The following NUP160 variants were observed in gnomAD, a reference collection of about 807,000 sequenced individuals.
NUP160 encodes nucleoporin 160.
Under a neutral mutation model 196.9 loss-of-function variants are expected in NUP160, and 94 were observed. That is an observed-to-expected ratio of 0.48 (90% confidence interval 0.40 to 0.57). The LOEUF is 0.57. Ranked by LOEUF, NUP160 falls within the 20% of genes least tolerant of loss-of-function variation. NUP160 has a pLI of 0.00. For synonymous variants in NUP160, 605 were observed against 619.7 expected (o/e 0.98, Z 0.35); for missense variants, 1,638 against 1,748.3 (o/e 0.94, Z 1.13).
intron 28 of NUP160, 65 bp from the exon 29 acceptor site, chr11:47,792,055 T>G: frequency 9.0e-7 from 1 of 1,108,716 alleles, no homozygotes. Context: ...TCATTAACGG[T>G]GATTCATAGC....
At chr11:47,827,216 T>C (rs1312541558) in intron 7 of NUP160, 1 of 450,054 alleles carries the variant, frequency 2.2e-6, no homozygotes, top group Admixed American at 2.4e-5. Context: ...ACAAAAAAAT[T>C]AGCCATGTGT....
At chr11:47,791,717 A>T (rs2097668006) in intron 29 of NUP160, among the ~76,000 whole-genome samples, 1 of 152,206 alleles carries the variant, frequency 6.6e-6, no homozygotes, top group African/African-American at 2.4e-5. Context: ...CTCCAGAAAA[A>T]GAATCCAATA....
At chr11:47,833,943 C>CA (rs1852122845) in intron 7 of NUP160, among the ~76,000 whole-genome samples, 1 of 152,182 alleles carries the variant, frequency 6.6e-6, no homozygotes, top group South Asian at 2.1e-4. Context: ...TGCCTTTTCC[C>CA]TTTTTTCACT....
chr11:47,799,108 G>A (rs77703427), intron 23 of NUP160, among the ~76,000 whole-genome samples: 2 of 143,490 alleles, frequency 1.4e-5, no homozygotes, highest in Non-Finnish European at 3.0e-5. Context: ...TTTTTTTTTT[G>A]AGACAGGGTC....
At chr11:47,844,194 A>T (rs1403185393) in intron 2 of NUP160, among the ~76,000 whole-genome samples, 3 of 152,142 alleles carry the variant, frequency 2.0e-5, no homozygotes, top group Non-Finnish European at 2.9e-5. Context: ...GATCTAAGCC[A>T]CCATCATGTG....
At chr11:47,795,091 C>T (rs999653673) in intron 27 of NUP160, among the ~76,000 whole-genome samples, 1 of 151,572 alleles carries the variant, frequency 6.6e-6, no homozygotes, top group African/African-American at 2.4e-5. Context: ...TAGAGTGAGA[C>T]TGTCTCAAAA....
intron 18 of NUP160, among the ~76,000 whole-genome samples, chr11:47,807,609 G>T (rs1313541145): frequency 6.6e-6 from 1 of 152,068 alleles, no homozygotes; most frequent in Non-Finnish European, 1.5e-5. Context: ...GGAGGTTGCA[G>T]TGAGCCGAGA....
chr11:47,841,671 C>A, intron 2 of NUP160: 1 of 312,340 alleles, frequency 3.2e-6, no homozygotes, highest in South Asian at 3.7e-5. Flanking sequence ...GGAGCATGTA[C>A]CATCTGATAA....
At chr11:47,833,175 T>G (rs1852108132) in intron 7 of NUP160, among the ~76,000 whole-genome samples, 1 of 152,112 alleles carries the variant, frequency 6.6e-6, no homozygotes, top group Non-Finnish European at 1.5e-5. Flanking sequence ...ATGAATAGGC[T>G]GGGCGTGGTG....
chr11:47,798,365 T>C lies in NUP160; in HGVS notation c.2991+3A>G. 2 of 1,601,238 alleles carry C rather than the reference T, an allele frequency of 1.2e-6. No individual in the cohort carries two copies. Among genetic ancestry groups the C allele is most frequent in the Non-Finnish European group, 1.7e-6 (2 of 1,168,744 alleles). On this transcript the variant is annotated splice_donor_region_variant and intron_variant, in intron 24 of 35. Transcript: ENST00000378460. ...AAACAACCAAATTGCAGCCAATTCT[T>C]ACCTGACTTTTCCAGTCATCACCTG...
At chr11:47,815,849 A>G in intron 12 of NUP160, 97 bp downstream of exon 12, 1 of 1,054,996 alleles carries the variant, frequency 9.5e-7, no homozygotes, top group South Asian at 1.5e-5. Flanking sequence ...CCAACAAACA[A>G]GGTCAAGTGA....
chr11:47,811,019 T>C (rs6485785), intron 17 of NUP160, among the ~76,000 whole-genome samples: 151,489 of 152,244 alleles, frequency 1, 75,375 homozygotes, highest in Middle Eastern at 1. Context: ...AAAAATGGGA[T>C]GTCTGACTGT....
rs764527177 is a variant in NUP160 at position 47,806,330 on chromosome 11, A to T, written c.2447-18T>A. On this transcript the variant is annotated intron_variant, in intron 19 of 35. Coordinates refer to ENST00000378460, the Ensembl canonical transcript of NUP160. ...ACTAGATACTTAAAAAGAAAAAGTT[A>T]TGACAGTTTTGTGTAGTGGTAATTA... is the stretch of plus-strand genomic sequence containing the variant. 1 of 1,596,448 alleles carries T rather than the reference A, an allele frequency of 6.3e-7. No homozygotes were observed. Among genetic ancestry groups the T allele is most frequent in the East Asian group, 2.2e-5 (1 of 44,670 alleles).
chr11:47,779,119 G>A, exon 36 of NUP160: 7 of 1,613,170 alleles, frequency 4.3e-6, no homozygotes, highest in Non-Finnish European at 4.2e-6. Context: ...AAGGTCCGAC[G>A]ATATAATAAA....
intron 7 of NUP160, among the ~76,000 whole-genome samples, chr11:47,834,770 G>A (rs1000161052): frequency 6.6e-5 from 10 of 152,144 alleles, no homozygotes; most frequent in Non-Finnish European, 1.5e-4. Flanking sequence ...TGAGGCAAGA[G>A]CCTAGGGACA....
chr11:47,802,087 G>T (rs2097674488), intron 22 of NUP160, among the ~76,000 whole-genome samples, 157 bp from the exon 23 acceptor site: 1 of 152,196 alleles, frequency 6.6e-6, no homozygotes, highest in South Asian at 2.1e-4. Flanking sequence ...AATTCTATGT[G>T]ATGCATTCAT....
chr11:47,846,479 C>G (rs532633663), intron 2 of NUP160, among the ~76,000 whole-genome samples: 1 of 152,186 alleles, frequency 6.6e-6, no homozygotes, highest in African/African-American at 2.4e-5. Context: ...CCTCCCCACT[C>G]ACATCTGGTT....
chr11:47,846,697 T>C (rs1852408085), intron 2 of NUP160, among the ~76,000 whole-genome samples: 6 of 152,238 alleles, frequency 3.9e-5, no homozygotes, highest in Admixed American at 3.9e-4. Flanking sequence ...TTTTGTATTA[T>C]ACCCATCTAA....
At position 47,815,934 on chromosome 11, in the gene NUP160, C is replaced by T; in HGVS notation, c.1515+12G>A. 3 of 1,600,182 alleles carry T rather than the reference C, an allele frequency of 1.9e-6. No homozygotes were observed. Among genetic ancestry groups the T allele is most frequent in the South Asian group, 2.2e-5 (2 of 90,688 alleles). On this transcript the variant is annotated intron_variant, in intron 12 of 35. Transcript: ENST00000378460. ...GGAAGGAATTCTTATTCTTTCTCTA[C>T]CCAAGCCTCACCTCATTTTCAACAG...
Sources: allele counts gnomAD v4.1 joint callset (sites outside exome capture counted in the v4.1 genomes callset), GRCh38; gene constraint gnomAD v4.1.1; transcripts MANE v1.5; gene names NCBI Gene and HGNC (gene_info 2026-07-23, HGNC 2026-07-21).